The following ACADL variants were observed in gnomAD, a reference collection of about 807,000 sequenced individuals.
ACADL encodes the protein acyl-CoA dehydrogenase long chain.
A neutral mutation model predicts 56.9 loss-of-function variants in ACADL; 60 were observed. That is an observed-to-expected ratio of 1.05 (90% CI 0.86 to 1.31). ACADL has a LOEUF of 1.31. ACADL is among the 50% of genes most tolerant of loss of function. The pLI is 0.00. For synonymous variants in ACADL, 158 were observed against 179.7 expected (o/e 0.88, Z 0.97); for missense variants, 484 against 525.5 (o/e 0.92, Z 0.77).
intron 9 of ACADL, among the ~76,000 whole-genome samples, chr2:210,194,098 T>C (rs1241744968): frequency 6.6e-6 from 1 of 152,174 alleles, no homozygotes; most frequent in Non-Finnish European, 1.5e-5. Flanking sequence ...AATATGAGCA[T>C]GTGTATAAAC....
At chr2:210,190,158 G>C (rs1480041510) in intron 10 of ACADL, among the ~76,000 whole-genome samples, 3 of 151,696 alleles carry the variant, frequency 2.0e-5, no homozygotes, top group Admixed American at 6.6e-5. Flanking sequence ...TATTCATCAG[G>C]GTTCCTTACA....
chr2:210,190,654 A>C (rs1355920180), intron 10 of ACADL, among the ~76,000 whole-genome samples: 1 of 152,182 alleles, frequency 6.6e-6, no homozygotes, highest in Non-Finnish European at 1.5e-5. Context: ...GAGCCTAATG[A>C]GTAAGACTTA....
At chr2:210,224,329 C>G (rs1449661646) in intron 1 of ACADL, 1 of 927,262 alleles carries the variant, frequency 1.1e-6, no homozygotes, top group Non-Finnish European at 1.3e-6. Context: ...TCAGTGACGT[C>G]TTCCCAAATC....
At chr2:210,213,870 A>G (rs181266979) in intron 4 of ACADL, among the ~76,000 whole-genome samples, 8 of 152,214 alleles carry the variant, frequency 5.3e-5, no homozygotes, top group Middle Eastern at 3.4e-3. Flanking sequence ...ATATCTTATT[A>G]TAATAGCCAT....
At chr2:210,198,827 A>T (rs764884459) in intron 8 of ACADL, among the ~76,000 whole-genome samples, 1 of 152,180 alleles carries the variant, frequency 6.6e-6, no homozygotes, top group Non-Finnish European at 1.5e-5. Context: ...ATCCATTATT[A>T]TTTAACATCT....
chr2:210,205,558 C>A, intron 6 of ACADL, 74 bp downstream of exon 6: 1 of 1,456,006 alleles, frequency 6.9e-7, no homozygotes, highest in Non-Finnish European at 9.6e-7. Flanking sequence ...CACATGTAAT[C>A]CTCTATGTAA....
intron 1 of ACADL, 40 bp downstream of exon 1, chr2:210,225,147 C>T: frequency 2.0e-6 from 3 of 1,528,354 alleles, no homozygotes; most frequent in Middle Eastern, 2.3e-4. Flanking sequence ...ACCCCACAGC[C>T]TCCCGGCCTG....
intron 5 of ACADL, among the ~76,000 whole-genome samples, chr2:210,208,660 T>C (rs1270000440): frequency 6.6e-6 from 1 of 152,188 alleles, no homozygotes; most frequent in Non-Finnish European, 1.5e-5. Flanking sequence ...AATACAACTA[T>C]CATTGATAAT....
intron 4 of ACADL, 98 bp from the exon 5 acceptor site, chr2:210,210,360 C>T: frequency 1.1e-6 from 1 of 892,220 alleles, no homozygotes; most frequent in Non-Finnish European, 1.8e-6. Context: ...TTCAAACTGG[C>T]TACACCATTA....
intron 9 of ACADL, among the ~76,000 whole-genome samples, chr2:210,193,618 A>G (rs767845771): frequency 5.3e-5 from 8 of 152,144 alleles, no homozygotes; most frequent in Non-Finnish European, 1.0e-4. Context: ...ATAAAAATAC[A>G]TTAGTTCAAA....
chr2:210,214,466 A>AG lies in ACADL; in HGVS notation c.536+1880_536+1881insC, dbSNP rs1267663957. 7.5e-4 allele frequency among the ~76,000 whole-genome samples: 111 copies of AG among 148,094 alleles called. 1 individual carries two copies. Among genetic ancestry groups the AG allele is most frequent in the East Asian group, 1.2e-3 (6 of 5,080 alleles). ...TCTCATGACTTTCAATGACCTTCCA[A>AG]AAAAGAAAGAAAGAAAGAAAGAAAG... On this transcript the variant is annotated intron_variant, in intron 4 of 10. Coordinates refer to ENST00000233710, the MANE Select transcript of ACADL (RefSeq NM_001608.4).
At position 210,210,180 on chromosome 2, in the gene ACADL, G is replaced by A; in HGVS notation, c.603+16C>T. 6.3e-7 allele frequency: 1 copy of A among 1,593,944 alleles called. No homozygotes were observed. Among genetic ancestry groups the A allele is most frequent in the Non-Finnish European group, 8.6e-7 (1 of 1,161,772 alleles). On this transcript the variant is annotated intron_variant, in intron 5 of 10. Coordinates refer to ENST00000233710, the MANE Select transcript of ACADL (RefSeq NM_001608.4). Reference sequence around the variant, plus strand: ...GACTCTGAAAAGAAGGGCTATAGAAGTCCTTTTTTACACACCTTGCTTCCA... The same window carrying A: ...GACTCTGAAAAGAAGGGCTATAGAAATCCTTTTTTACACACCTTGCTTCCA...
At chr2:210,216,267 A>C in intron 4 of ACADL, 80 bp downstream of exon 4, 1 of 1,480,326 alleles carries the variant, frequency 6.8e-7, no homozygotes, top group East Asian at 2.3e-5. Flanking sequence ...CATATAGCTC[A>C]GTCTATGTAT....
intron 6 of ACADL, 37 bp from the exon 7 acceptor site, chr2:210,204,719 A>T (rs772398830): frequency 7.0e-7 from 1 of 1,421,362 alleles, no homozygotes; most frequent in Non-Finnish European, 9.9e-7. Context: ...GAATGGTCTC[A>T]TTTAAATCTT....
intron 4 of ACADL, among the ~76,000 whole-genome samples, chr2:210,212,779 C>G (rs1019813045): frequency 2.6e-5 from 4 of 152,054 alleles, no homozygotes; most frequent in African/African-American, 4.8e-5. Flanking sequence ...TAGCATGCTG[C>G]TTTGTACATA....
At chr2:210,214,646 A>G (rs1184352036) in intron 4 of ACADL, among the ~76,000 whole-genome samples, 3 of 152,224 alleles carry the variant, frequency 2.0e-5, no homozygotes, top group African/African-American at 7.2e-5. Flanking sequence ...GTTTGCATGT[A>G]TAAATTAGAG....
Position 210,188,707 on chromosome 2 carries a change from A to C in ACADL, c.*254T>G. ...TTAGAGATAAATGAAACACCTAGGC[A>C]AGATTCAGAAAACCGTTTACCTTTG... is the stretch of plus-strand genomic sequence containing the variant. On this transcript the variant is annotated 3_prime_UTR_variant, in exon 11 of 11. Coordinates refer to ENST00000233710, the MANE Select transcript of ACADL (RefSeq NM_001608.4). The C allele has an allele frequency of 2.7e-6, 1 of 376,458 alleles. No individual in the cohort carries two copies. Among genetic ancestry groups the C allele is most frequent in the South Asian group, 3.3e-5 (1 of 30,344 alleles). The allele number at this position is 376,458 out of a possible 1,614,324, so 23.3% of individuals were successfully genotyped here.
chr2:210,213,954 G>T (rs1430815743), intron 4 of ACADL, among the ~76,000 whole-genome samples: 2 of 152,116 alleles, frequency 1.3e-5, no homozygotes, highest in African/African-American at 4.8e-5. Context: ...GCTGAGGCAG[G>T]AGGAATGCTT....
At chr2:210,223,988 G>C (rs941784679) in intron 1 of ACADL, among the ~76,000 whole-genome samples, 3 of 152,046 alleles carry the variant, frequency 2.0e-5, no homozygotes, top group Non-Finnish European at 2.9e-5. Flanking sequence ...AGCACTTTGG[G>C]AGACCGAGGC....
Sources: gnomAD v4.1 joint callset for allele counts (sites outside exome capture counted in the v4.1 genomes callset) on GRCh38, gnomAD v4.1.1 for gene constraint, MANE v1.5 for transcripts, NCBI Gene and HGNC (gene_info 2026-07-23, HGNC 2026-07-21) for gene names.